Variants in IL27 observed in about 807,000 individuals in gnomAD.
IL27 encodes interleukin 27, also known as interleukin-27 subunit alpha.
In IL27, 11 loss-of-function variants were observed where a neutral mutation model predicts 27.0. The ratio of observed to expected loss-of-function variants is 0.41; its 90% CI spans 0.26 to 0.67. The LOEUF (loss-of-function observed/expected upper bound fraction) is 0.67, where lower values mean the gene tolerates loss of function less well. Ranked by LOEUF, IL27 falls within the 30% of genes least tolerant of loss-of-function variation. IL27 has a pLI of 0.34. For synonymous variants in IL27, 134 were observed against 140.6 expected, an observed-to-expected ratio of 0.95 and a Z score of 0.33; for missense variants, 299 against 310.4, an observed-to-expected ratio of 0.96 and a Z score of 0.28.
At chr16:28,500,362 T>G (rs764233844) in intron 4 of IL27, among the ~76,000 whole-genome samples, 4 of 151,870 alleles carry the variant, frequency 2.6e-5, no homozygotes, top group Non-Finnish European at 4.4e-5. Flanking sequence ...GCAACCTCTG[T>G]CTCCCCAGTT....
At chr16:28,500,823 C>T (rs527632781) in intron 4 of IL27, among the ~76,000 whole-genome samples, 7 of 152,104 alleles carry the variant, frequency 4.6e-5, no homozygotes, top group Admixed American at 1.3e-4. Flanking sequence ...GCTGTGTGTG[C>T]GCCTGCACAC....
chr16:28,503,863 A>G lies in IL27; in HGVS notation c.204+15T>C, dbSNP rs1371265981. ...TCTGCCCATCTCCAGCGCCAGCTGC[A>G]TTAGGGGGACTTACAAAGCGGTGGG... On this transcript the variant is annotated intron_variant, in intron 2 of 4. Transcript: ENST00000356897. 5 of 1,613,528 alleles carry G rather than the reference A, an allele frequency of 3.1e-6. No homozygotes were observed. In the African/African-American group the frequency reaches 5.3e-5, roughly 17 times the overall value.
At chr16:28,500,982 G>A (rs548684700) in intron 4 of IL27, among the ~76,000 whole-genome samples, 83 of 152,238 alleles carry the variant, frequency 5.5e-4, no homozygotes, top group Non-Finnish European at 1.0e-3. Flanking sequence ...GGCAGAGCGC[G>A]AGGTCAGGAG....
intron 1 of IL27, among the ~76,000 whole-genome samples, chr16:28,504,392 C>T (rs558576362): frequency 1.2e-3 from 185 of 152,188 alleles, no homozygotes; most frequent in Non-Finnish European, 2.4e-3. Context: ...GCAGGAGAAT[C>T]GCTTGAACCT....
chr16:28,504,936 G>C (rs1220663993), intron 1 of IL27, among the ~76,000 whole-genome samples: 4 of 152,156 alleles, frequency 2.6e-5, no homozygotes, highest in African/African-American at 7.2e-5. Context: ...CTTTTTCAGT[G>C]AGCAACCTGC....
At chr16:28,505,288 G>A (rs899328433) in intron 1 of IL27, among the ~76,000 whole-genome samples, 2 of 152,108 alleles carry the variant, frequency 1.3e-5, no homozygotes, top group Admixed American at 1.3e-4. Flanking sequence ...TTTCCACCAC[G>A]GCAGGTGGAT....
intron 4 of IL27, among the ~76,000 whole-genome samples, chr16:28,500,935 C>T (rs189511079): frequency 2.2e-4 from 34 of 152,274 alleles, no homozygotes; most frequent in Admixed American, 2.2e-3. Context: ...CACAGTGGCT[C>T]ACGCCTGTAA....
Position 28,499,624 on chromosome 16 carries a change from G to C in IL27, c.*27C>G. ...TCCAGTCCTAAAGTTCTAAAGGGTG[G>C]GGGGCAGGGGGCTAAGAAGCCACCG... On this transcript the variant is annotated 3_prime_UTR_variant, in exon 5 of 5. Transcript: ENST00000356897. 1 of 1,569,510 alleles carries C rather than the reference G, an allele frequency of 6.4e-7. No homozygotes were observed. Among genetic ancestry groups the C allele is most frequent in the Non-Finnish European group, 8.7e-7 (1 of 1,150,742 alleles).
chr16:28,506,677 C>T lies in IL27; in HGVS notation c.31+104G>A, dbSNP rs887004116. ...CAGCCAGCCGAATCCTCAGTCTTGG[C>T]CAAGTTGCTGCTCTCAGCTCTCGAC... On this transcript the variant is annotated intron_variant, in intron 1 of 4. Coordinates refer to ENST00000356897, the MANE Select transcript of IL27 (RefSeq NM_145659.3). The T allele has an allele frequency of 4.2e-6, 5 of 1,184,612 alleles. No homozygotes were observed. In the Admixed American group the frequency reaches 9.1e-5, roughly 22 times the overall value. 73.4% of individuals were successfully genotyped at this position (1,184,612 alleles called of 1,614,324 possible).
At chr16:28,503,653 C>G in intron 3 of IL27, 42 bp downstream of exon 3, 1 of 1,464,108 alleles carries the variant, frequency 6.8e-7, no homozygotes, top group Non-Finnish European at 9.4e-7. Flanking sequence ...TGGCCCCAGC[C>G]TATCACAAGC....
At chr16:28,503,215 C>T (rs1288504052) in intron 3 of IL27, among the ~76,000 whole-genome samples, 1 of 152,182 alleles carries the variant, frequency 6.6e-6, no homozygotes, top group Non-Finnish European at 1.5e-5. Context: ...TCCTCAGCCT[C>T]CCAACGTGCT....
chr16:28,502,809 T>C (rs2046440145), intron 3 of IL27, among the ~76,000 whole-genome samples: 1 of 152,172 alleles, frequency 6.6e-6, no homozygotes, highest in Non-Finnish European at 1.5e-5. Context: ...CACTTCCTTA[T>C]TCCAGCTTCA....
chr16:28,506,157 C>T (rs912888126), intron 1 of IL27, among the ~76,000 whole-genome samples: 1 of 152,144 alleles, frequency 6.6e-6, no homozygotes, highest in African/African-American at 2.4e-5. Context: ...CAGACCCCCT[C>T]CTTACCCTCT....
chr16:28,506,781 G>A lies in IL27; in HGVS notation c.31C>T (p.Arg11Trp), dbSNP rs753669713. 4.3e-6 allele frequency: 7 copies of A among 1,611,230 alleles called. No homozygotes were observed. Among genetic ancestry groups the A allele is most frequent in the South Asian group, 1.1e-5 (1 of 90,648 alleles). The change falls in exon 1 of 5, where the codon CGG becomes TGG. Residue 11 changes from arginine to tryptophan, a missense_variant and splice_region_variant. Arg to Trp is a moderately radical substitution (Grantham distance 101, BLOSUM62 -3). Coordinates refer to ENST00000356897, the MANE Select transcript of IL27 (RefSeq NM_145659.3). Reference protein sequence around the residue: MGQTAGDLGWRLSLLLLPLLL... With the variant: MGQTAGDLGWWLSLLLLPLLL... ...CCCCCACCCCTGGCTTCAAACTCAC[G>A]CCAGCCAAGGTCGCCTGCCGTCTGG... is the stretch of plus-strand genomic sequence containing the variant.
chr16:28,506,764 C>T lies in IL27; in HGVS notation c.31+17G>A. On this transcript the variant is annotated intron_variant, in intron 1 of 4. Coordinates refer to ENST00000356897, the MANE Select transcript of IL27 (RefSeq NM_145659.3). ...CCCAAACTCAACCAAGCCCCCCACC[C>T]CTGGCTTCAAACTCACGCCAGCCAA... 6.2e-7 allele frequency: 1 copy of T among 1,610,676 alleles called. No homozygotes were observed. The highest frequency in any genetic ancestry group is 8.5e-7 in the Non-Finnish European group (1 of 1,178,526).
chr16:28,503,719 G>A lies in IL27; in HGVS notation c.279C>T (p.Thr93=). The A allele has an allele frequency of 1.2e-6, 2 of 1,613,026 alleles. No individual in the cohort carries two copies. The highest frequency in any genetic ancestry group is 1.7e-6 in the Non-Finnish European group (2 of 1,179,388). ...LGEQLPDVSL[T]FQAWRRLSDP... ...CAGAGAGGCGGCGCCAGGCCTGGAA[G>A]GTCAGGGAAACATCAGGGAGCTGCT... The change falls in exon 3 of 5, where the codon ACC becomes ACT. Residue 93 remains threonine, a synonymous_variant. Transcript: ENST00000356897.
At position 28,502,112 on chromosome 16, in the gene IL27, A is replaced by T; in HGVS notation, c.326T>A (p.Ile109Asn). The part of the protein sequence containing the change: ...RLSDPERLCF[I>N]STTLQPFHAL... Reference sequence around the variant, plus strand: ...ATGGAAGGGCTGAAGCGTGGTGGAGATGAAGCAGAGACGCTCCGGGTCCTG... The same window carrying T: ...ATGGAAGGGCTGAAGCGTGGTGGAGTTGAAGCAGAGACGCTCCGGGTCCTG... The change falls in exon 4 of 5, where the codon ATC becomes AAC. Residue 109 changes from isoleucine (I) to asparagine (N), a missense_variant. Coordinates refer to ENST00000356897, the MANE Select transcript of IL27 (RefSeq NM_145659.3). 1 of 1,611,842 alleles carries T rather than the reference A, an allele frequency of 6.2e-7. No individual in the cohort carries two copies. Among genetic ancestry groups the T allele is most frequent in the Non-Finnish European group, 8.5e-7 (1 of 1,179,042 alleles).
chr16:28,502,379 C>T (rs567545169), intron 3 of IL27, among the ~76,000 whole-genome samples: 1 of 151,972 alleles, frequency 6.6e-6, no homozygotes, highest in African/African-American at 2.4e-5. Context: ...CTCTAACCCA[C>T]CCCCTCTCAG....
At chr16:28,501,645 G>A (rs1290993088) in intron 4 of IL27, among the ~76,000 whole-genome samples, 4 of 129,246 alleles carry the variant, frequency 3.1e-5, no homozygotes, top group Non-Finnish European at 4.9e-5. Flanking sequence ...TCACACTCAC[G>A]GACCCACACC....
Sources: gnomAD v4.1 joint callset for allele counts (sites outside exome capture counted in the v4.1 genomes callset) on GRCh38, gnomAD v4.1.1 for gene constraint, MANE v1.5 for transcripts, NCBI Gene and HGNC (gene_info 2026-07-23, HGNC 2026-07-21) for gene names.